Variants in THNSL2 observed in about 807,000 individuals in gnomAD.
THNSL2 encodes threonine synthase-like 2.
THNSL2 carries 34 observed loss-of-function variants against 40.0 expected under a neutral mutation model. The ratio of observed to expected loss-of-function variants is 0.85; its 90% CI spans 0.65 to 1.13. THNSL2 has a LOEUF of 1.13. Among genes scored for constraint, THNSL2 ranks in the 50% most tolerant of loss-of-function variants. The pLI, the probability that THNSL2 is intolerant of heterozygous loss-of-function variation, is 0.00. For synonymous variants in THNSL2, 241 were observed against 247.5 expected, an observed-to-expected ratio of 0.97 and a Z score of 0.25; for missense variants, 537 against 608.8, an observed-to-expected ratio of 0.88 and a Z score of 1.24.
chr2:88,170,823 C>T (rs1260368856), intron 1 of THNSL2, among the ~76,000 whole-genome samples: 8 of 150,360 alleles, frequency 5.3e-5, no homozygotes, highest in African/African-American at 1.7e-4. Context: ...CGGGGTCTGC[C>T]TCCACCCCTA....
chr2:88,184,730 G>A (rs746274216), intron 7 of THNSL2, among the ~76,000 whole-genome samples: 10 of 152,000 alleles, frequency 6.6e-5, no homozygotes, highest in Middle Eastern at 3.4e-3. Context: ...ATCGTGTCAC[G>A]GTTCTCCAGC....
At chr2:88,184,463 A>G (rs923746061) in intron 7 of THNSL2, among the ~76,000 whole-genome samples, 1 of 152,202 alleles carries the variant, frequency 6.6e-6, no homozygotes, top group Admixed American at 6.5e-5. Flanking sequence ...GCAGGTAGCT[A>G]TATGAAAATC....
Position 88,186,285 on chromosome 2 carries a change from G to A in THNSL2, c.*162G>A, listed in dbSNP as rs1395576797. ...CTTTGCTCCGTTCCCTGGCTAGTCT[G>A]TGCCTGGTCACCAGGGAGGCTGAGT... is the stretch of plus-strand genomic sequence containing the variant. On this transcript the variant is annotated 3_prime_UTR_variant, in exon 9 of 9. Coordinates refer to ENST00000674334, the MANE Select transcript of THNSL2 (RefSeq NM_018271.5). 2 of 705,550 alleles carry A rather than the reference G, an allele frequency of 2.8e-6. No homozygotes were observed. The highest frequency in any genetic ancestry group is 5.4e-5 in the Admixed American group (2 of 37,282). The allele number at this position is 705,550 out of a possible 1,614,324, so 43.7% of individuals were successfully genotyped here.
intron 4 of THNSL2, among the ~76,000 whole-genome samples, chr2:88,178,185 T>C (rs1302102883): frequency 6.6e-6 from 1 of 152,188 alleles, no homozygotes; most frequent in Non-Finnish European, 1.5e-5. Flanking sequence ...AATTCACTCA[T>C]AAATTACACT....
intron 5 of THNSL2, among the ~76,000 whole-genome samples, chr2:88,180,953 G>C (rs1486312942): frequency 6.6e-6 from 1 of 152,042 alleles, no homozygotes; most frequent in African/African-American, 2.4e-5. Context: ...TAGACCTCTT[G>C]GAACATTCAT....
chr2:88,184,886 A>G (rs1678098469), intron 7 of THNSL2, among the ~76,000 whole-genome samples: 1 of 152,154 alleles, frequency 6.6e-6, no homozygotes, highest in South Asian at 2.1e-4. Context: ...GATCAAATAA[A>G]CCAAACACAC....
chr2:88,173,244 C>T lies in THNSL2; in HGVS notation c.94C>T (p.Pro32Ser), dbSNP rs768674286. Residue 32 changes from proline (P) to serine (S), a missense_variant, in exon 2 of 9, where the codon CCT (proline) becomes TCT (serine). Coordinates refer to ENST00000674334, the MANE Select transcript of THNSL2 (RefSeq NM_018271.5). ...GYAPDGGLFM[P>S]EELPQLDRGT... ...TGCACCTGACGGGGGCCTCTTTATG[C>T]CTGAAGAGCTCCCACAGTTGGACAG... 3.5e-5 allele frequency: 56 copies of T among 1,611,930 alleles called. No individual in the cohort carries two copies. The South Asian group carries it at 6.0e-4, about 17-fold the overall frequency.
At position 88,174,647 on chromosome 2, in the gene THNSL2, G is replaced by T. The variant is rs34841493; in HGVS notation, c.232G>T (p.Asp78Tyr). 3 of 1,613,850 alleles carry T rather than the reference G, an allele frequency of 1.9e-6. No individual in the cohort carries two copies. Among genetic ancestry groups the T allele is most frequent in the South Asian group, 2.2e-5 (2 of 90,980 alleles). Residue 78 changes from aspartate (D) to tyrosine (Y), a missense_variant, in exon 3 of 9, where the codon GAC becomes TAC. Physicochemically the swap from Asp to Tyr is radical, Grantham distance 160. Transcript: ENST00000674334. Reference protein sequence around the residue: ...LPKDELNDLIDRAFSRFRHRE... With the variant: ...LPKDELNDLIYRAFSRFRHRE... Reference sequence around the variant, plus strand: ...CCCCACTACCCTCACAGATCTGATCGACCGAGCCTTCAGCAGATTCCGTCA... The same window carrying T: ...CCCCACTACCCTCACAGATCTGATCTACCGAGCCTTCAGCAGATTCCGTCA...
chr2:88,180,828 G>C (rs1276924147), intron 5 of THNSL2, among the ~76,000 whole-genome samples: 3 of 152,166 alleles, frequency 2.0e-5, no homozygotes, highest in African/African-American at 7.2e-5. Flanking sequence ...TGTGCAGGGA[G>C]AGTAGTCTGA....
chr2:88,184,721 T>A (rs779331281), intron 7 of THNSL2, among the ~76,000 whole-genome samples: 10 of 151,818 alleles, frequency 6.6e-5, no homozygotes, highest in Non-Finnish European at 1.2e-4. Flanking sequence ...TGAGCCAAGA[T>A]CGTGTCACGG....
rs1460121910 is a variant in THNSL2, at chr2:88,182,688, CTT to C, written c.803-10_803-9del. 1.3e-6 allele frequency: 2 copies of C among 1,567,170 alleles called. No individual in the cohort carries two copies. The highest frequency in any genetic ancestry group is 1.7e-6 in the Non-Finnish European group (2 of 1,148,262). On this transcript the variant is annotated splice_polypyrimidine_tract_variant and intron_variant, in intron 5 of 8. Coordinates refer to ENST00000674334, the MANE Select transcript of THNSL2 (RefSeq NM_018271.5). ...TAAAAAGCCATTGTTCTCCTCCTCTCTTGTCTTAAGCTGGGTACATTGCTCAA... is the reference window on the plus strand; with the variant it reads ...TAAAAAGCCATTGTTCTCCTCCTCTCGTCTTAAGCTGGGTACATTGCTCAA...
At position 88,174,843 on chromosome 2, in the gene THNSL2, T is replaced by G. The variant is rs751120034; in HGVS notation, c.418+10T>G. On this transcript the variant is annotated intron_variant, in intron 3 of 8. Transcript: ENST00000674334. Reference sequence around the variant, plus strand: ...GTCACTGTGGTTGTAGGTGTGTTTTTGGGGCACAAACGCAGAATACCTGAG... The same window carrying G: ...GTCACTGTGGTTGTAGGTGTGTTTTGGGGGCACAAACGCAGAATACCTGAG... 2.4e-5 allele frequency: 38 copies of G among 1,613,086 alleles called. No homozygotes were observed. The highest frequency in any genetic ancestry group is 1.1e-4 in the African/African-American group (8 of 74,892).
intron 7 of THNSL2, chr2:88,183,659 C>T (rs1480438031): frequency 6.6e-6 from 1 of 151,850 alleles, no homozygotes; most frequent in Non-Finnish European, 1.5e-5. Flanking sequence ...TCCCTCCCTC[C>T]TTCCCTTTCT....
chr2:88,182,887 G>T (rs2104265578), intron 6 of THNSL2, 40 bp downstream of exon 6: 1 of 1,612,014 alleles, frequency 6.2e-7, no homozygotes, highest in Admixed American at 1.7e-5. Flanking sequence ...CCCAGGTGTT[G>T]GTTGGGTGGG....
intron 4 of THNSL2, among the ~76,000 whole-genome samples, chr2:88,177,640 C>T (rs1677080189): frequency 1.3e-5 from 2 of 152,190 alleles, no homozygotes; most frequent in Admixed American, 1.3e-4. Flanking sequence ...AGGTCCTTCC[C>T]ATTCTCTGCT....
intron 4 of THNSL2, chr2:88,175,890 G>A (rs1676872764): frequency 7.4e-6 from 1 of 135,512 alleles, no homozygotes; most frequent in Non-Finnish European, 1.7e-5. Context: ...TTCAGCCCAG[G>A]AGTTTGAGAC....
chr2:88,180,866 A>G (rs527316950), intron 5 of THNSL2, among the ~76,000 whole-genome samples: 2 of 152,258 alleles, frequency 1.3e-5, no homozygotes, highest in African/African-American at 4.8e-5. Context: ...GGCTGAGTCG[A>G]GGGAGGGCAT....
chr2:88,170,659 T>C (rs1676269600), intron 1 of THNSL2, among the ~76,000 whole-genome samples: 2 of 152,198 alleles, frequency 1.3e-5, no homozygotes, highest in Non-Finnish European at 2.9e-5. Context: ...CTTTGCGTTT[T>C]CTGCGGGATT....
At chr2:88,181,659 G>A (rs867680570) in intron 5 of THNSL2, among the ~76,000 whole-genome samples, 1 of 151,458 alleles carries the variant, frequency 6.6e-6, no homozygotes, top group Non-Finnish European at 1.5e-5. Context: ...ATGATTCAGT[G>A]GTTTTTAGTA....
Sources: allele counts gnomAD v4.1 joint callset (sites outside exome capture counted in the v4.1 genomes callset), GRCh38; gene constraint gnomAD v4.1.1; transcripts MANE v1.5; gene names NCBI Gene and HGNC (gene_info 2026-07-23, HGNC 2026-07-21).